Variants in PUS10 observed in about 807,000 individuals in gnomAD.
PUS10 encodes pseudouridine synthase 10, also known as tRNA pseudouridine synthase Pus10.
PUS10 carries 59 observed loss-of-function variants against 75.0 expected under a neutral mutation model. That is an observed-to-expected ratio of 0.79 (90% CI 0.64 to 0.98). The LOEUF is 0.98. Ranked by LOEUF, PUS10 falls within the 50% of genes least tolerant of loss-of-function variation. The pLI is 0.00. For missense variants in PUS10, 650 were observed against 614.4 expected (o/e 1.06, Z -0.61); for synonymous variants, 219 against 211.6 (o/e 1.03, Z -0.30).
At chr2:60,949,954 CA>C (rs1675233809) in intron 15 of PUS10, among the ~76,000 whole-genome samples, 1 of 152,248 alleles carries the variant, frequency 6.6e-6, no homozygotes, top group African/African-American at 2.4e-5. Flanking sequence ...TGGCTACCCT[CA>C]AACTATGAAC....
At chr2:60,987,763 A>C (rs1677813380) in intron 4 of PUS10, among the ~76,000 whole-genome samples, 1 of 152,152 alleles carries the variant, frequency 6.6e-6, no homozygotes, top group Admixed American at 6.5e-5. Flanking sequence ...TCTCTACTAA[A>C]AACACAAAAA....
rs530165713 is a variant in PUS10 at position 60,965,169 on chromosome 2, T to C, written c.678-66A>G. 10 of 1,465,346 alleles carry C rather than the reference T, an allele frequency of 6.8e-6. No homozygotes were observed. In the Admixed American group the frequency reaches 1.4e-4, roughly 20 times the overall value. The allele number at this position is 1,465,346 out of a possible 1,614,324, so 90.8% of individuals were successfully genotyped here. On this transcript the variant is annotated intron_variant, in intron 7 of 17. Transcript: ENST00000316752. ...TATTTTGGGGTAGATATAATTCAAA[T>C]ATATTTCATACAAAATGGCTGCTAA...
intron 16 of PUS10, among the ~76,000 whole-genome samples, chr2:60,946,189 C>T (rs1220379979): frequency 6.6e-6 from 1 of 152,152 alleles, no homozygotes. Flanking sequence ...AACCAAATAG[C>T]CCCAGAATAA....
At chr2:61,011,736 GAA>G (rs370406865) in intron 2 of PUS10, 27 bp downstream of exon 2, 6,457 of 1,120,386 alleles carry the variant, frequency 5.8e-3, no homozygotes, top group South Asian at 0.013. Context: ...CTCTTAATTT[GAA>G]AAAAAAAAAA....
At chr2:60,971,647 C>T in intron 4 of PUS10, 90 bp from the exon 5 acceptor site, 1 of 1,214,998 alleles carries the variant, frequency 8.2e-7, no homozygotes, top group South Asian at 1.3e-5. Flanking sequence ...AAGTGCTTAA[C>T]TATTTGCTAA....
chr2:61,017,863 A>T, intron 1 of PUS10, 145 bp downstream of exon 1: 1 of 1,549,854 alleles, frequency 6.5e-7, no homozygotes, highest in African/African-American at 1.4e-5. Flanking sequence ...TGAGTGTGGG[A>T]TTCTTCAGGC....
At chr2:60,955,877 T>TTTCC (rs1675616856) in intron 11 of PUS10, among the ~76,000 whole-genome samples, 2 of 152,228 alleles carry the variant, frequency 1.3e-5, no homozygotes, top group South Asian at 4.1e-4. Flanking sequence ...TCTTTCTTTC[T>TTTCC]TTCCTTAGAA....
chr2:60,948,116 C>G lies in PUS10; in HGVS notation c.1378G>C (p.Val460Leu), dbSNP rs377687971. The change falls in exon 16 of 18, where the codon GTC becomes CTC. Residue 460 changes from valine (V) to leucine (L), a missense_variant. Val to Leu is a conservative substitution (Grantham distance 32). Transcript: ENST00000316752. ...TACTGTGTCTCCATGAAGTGAATGA[C>G]GCGAGCTCGCACAGCCAGGGGCCTT... ...HRRPLAVRAR[V>L]IHFMETQYVD... 1.9e-6 allele frequency: 3 copies of G among 1,614,076 alleles called. No individual in the cohort carries two copies. Among genetic ancestry groups the G allele is most frequent in the Non-Finnish European group, 1.7e-6 (2 of 1,180,020 alleles).
intron 4 of PUS10, among the ~76,000 whole-genome samples, chr2:60,996,505 G>A (rs530338623): frequency 4.6e-5 from 7 of 152,082 alleles, no homozygotes; most frequent in African/African-American, 1.7e-4. Context: ...TTAATAAGGG[G>A]AGTAGTTAAG....
chr2:60,996,412 T>C (rs1428317848), intron 4 of PUS10, among the ~76,000 whole-genome samples: 2 of 152,174 alleles, frequency 1.3e-5, no homozygotes, highest in African/African-American at 2.4e-5. Flanking sequence ...TCTAGTCTTA[T>C]GTTCTCCTTA....
At chr2:61,014,161 A>G (rs1280938519) in intron 1 of PUS10, among the ~76,000 whole-genome samples, 5 of 151,998 alleles carry the variant, frequency 3.3e-5, no homozygotes, top group Non-Finnish European at 7.4e-5. Flanking sequence ...ATCACCTGAC[A>G]ACAGGAGTTT....
rs967265631 is a variant in PUS10, at chr2:61,007,220, T to G, written c.382-577A>C. Among the ~76,000 whole-genome samples, 8 of 145,776 alleles carry G rather than the reference T, an allele frequency of 5.5e-5. 1 individual carries two copies. In the South Asian group the frequency reaches 1.1e-3, roughly 19 times the overall value. On this transcript the variant is annotated intron_variant, in intron 3 of 17. Transcript: ENST00000316752. ...TTTGAGAAGAGTAGGCTTTTGTTTT[T>G]TTTTTTTTAAAAAAAAGAAAATATT...
chr2:60,974,531 CGAG>C (rs2104443056), intron 4 of PUS10, among the ~76,000 whole-genome samples: 1 of 151,932 alleles, frequency 6.6e-6, no homozygotes, highest in South Asian at 2.1e-4. Context: ...CCACGGGGGA[CGAG>C]AAGGAGAGAA....
intron 4 of PUS10, chr2:60,998,818 C>G (rs1168763847): frequency 1.3e-5 from 2 of 152,104 alleles, no homozygotes; most frequent in East Asian, 3.8e-4. Context: ...CAGGGTCAGG[C>G]CTGGTTAGCA....
At chr2:61,010,651 C>A (rs764706085) in intron 2 of PUS10, 79 of 958,356 alleles carry the variant, frequency 8.2e-5, no homozygotes, top group Non-Finnish European at 1.1e-4. Context: ...AGTGTTTCCA[C>A]GTACTTTATT....
intron 4 of PUS10, among the ~76,000 whole-genome samples, chr2:60,992,963 T>C (rs1343847117): frequency 6.6e-6 from 1 of 152,248 alleles, no homozygotes; most frequent in Non-Finnish European, 1.5e-5. Flanking sequence ...ATGGATTTAA[T>C]TTTTAAAGAT....
chr2:60,977,648 A>C (rs1677117717), intron 4 of PUS10, among the ~76,000 whole-genome samples: 1 of 152,200 alleles, frequency 6.6e-6, no homozygotes, highest in Admixed American at 6.5e-5. Flanking sequence ...ACTGTGAGAA[A>C]GTCATATTTT....
intron 4 of PUS10, among the ~76,000 whole-genome samples, chr2:60,993,330 G>A (rs1050955265): frequency 5.9e-5 from 9 of 152,056 alleles, no homozygotes; most frequent in Admixed American, 5.9e-4. Flanking sequence ...GGCGGCACAT[G>A]GCTGCAGTCC....
chr2:60,981,267 A>C (rs1419643832), intron 4 of PUS10, among the ~76,000 whole-genome samples: 1 of 151,858 alleles, frequency 6.6e-6, no homozygotes, highest in East Asian at 2.0e-4. Context: ...TTACCATATT[A>C]GCAATTAAAA....
Sources: allele counts gnomAD v4.1 joint callset (sites outside exome capture counted in the v4.1 genomes callset), GRCh38; gene constraint gnomAD v4.1.1; transcripts MANE v1.5; gene names NCBI Gene and HGNC (gene_info 2026-07-23, HGNC 2026-07-21).